The following ALCAM variants were observed in gnomAD, a reference collection of about 807,000 sequenced individuals.
The protein encoded by ALCAM is CD166 antigen.
Under a neutral mutation model 70.9 loss-of-function variants are expected in ALCAM, and 30 were observed. The ratio of observed to expected loss-of-function variants is 0.42; its 90% CI spans 0.32 to 0.57. The LOEUF is 0.57. ALCAM is among the 20% of genes least tolerant of loss of function. ALCAM has a pLI of 0.11. For synonymous variants in ALCAM, 249 were observed against 242.5 expected, an observed-to-expected ratio of 1.03 and a Z score of -0.25; for missense variants, 591 against 695.1, an observed-to-expected ratio of 0.85 and a Z score of 1.68.
chr3:105,428,773 A>G (rs1340782122), intron 1 of ALCAM, among the ~76,000 whole-genome samples: 1 of 152,018 alleles, frequency 6.6e-6, no homozygotes, highest in African/African-American at 2.4e-5. Context: ...ATTGAAAACT[A>G]TATTAAAACT....
At chr3:105,528,644 C>T (rs193217172) in intron 3 of ALCAM, among the ~76,000 whole-genome samples, 1 of 152,148 alleles carries the variant, frequency 6.6e-6, no homozygotes. Flanking sequence ...AAACCAAATA[C>T]TGCATGTTCT....
At chr3:105,410,500 A>T (rs1244290322) in intron 1 of ALCAM, among the ~76,000 whole-genome samples, 1 of 151,982 alleles carries the variant, frequency 6.6e-6, no homozygotes, top group East Asian at 1.9e-4. Flanking sequence ...ATGTGGTACT[A>T]CATAAATACT....
In ALCAM at chr3:105,525,345, T is replaced by A. The variant is rs1939672187; in HGVS notation, c.394+837T>A. The A allele has an allele frequency of 5.1e-6, 5 of 981,680 alleles. No individual in the cohort carries two copies. In the African/African-American group the frequency reaches 8.7e-5, roughly 17 times the overall value. The allele number at this position is 981,680 out of a possible 1,614,324, so 60.8% of individuals were successfully genotyped here. On this transcript the variant is annotated intron_variant, in intron 3 of 15. Coordinates refer to ENST00000306107, the MANE Select transcript of ALCAM (RefSeq NM_001627.4). Reference sequence around the variant, plus strand: ...GCAAATAACTGTGCAAATGAATGACTTGAGAAGTTATAATTAAAGTATTTC... The same window carrying A: ...GCAAATAACTGTGCAAATGAATGACATGAGAAGTTATAATTAAAGTATTTC...
chr3:105,421,037 A>G (rs1936638901), intron 1 of ALCAM, among the ~76,000 whole-genome samples: 1 of 151,524 alleles, frequency 6.6e-6, no homozygotes, highest in Non-Finnish European at 1.5e-5. Context: ...TGAGAAAATG[A>G]TCTATAGTAA....
chr3:105,519,056 T>C (rs1939462834), intron 1 of ALCAM, among the ~76,000 whole-genome samples: 1 of 152,120 alleles, frequency 6.6e-6, no homozygotes, highest in Non-Finnish European at 1.5e-5. Flanking sequence ...TGTTTTTTTC[T>C]CTACTGTTTA....
intron 14 of ALCAM, among the ~76,000 whole-genome samples, chr3:105,559,818 A>G (rs1018265550): frequency 2.6e-5 from 4 of 152,138 alleles, no homozygotes; most frequent in African/African-American, 9.7e-5. Flanking sequence ...ATTATAGAAA[A>G]GGTACTCTTT....
intron 1 of ALCAM, among the ~76,000 whole-genome samples, chr3:105,508,099 T>G (rs1939131961): frequency 6.6e-6 from 1 of 152,200 alleles, no homozygotes; most frequent in Non-Finnish European, 1.5e-5. Flanking sequence ...TGGGAGCAAG[T>G]GCCAAATTGC....
intron 1 of ALCAM, among the ~76,000 whole-genome samples, chr3:105,516,840 G>A (rs1939394185): frequency 6.6e-6 from 1 of 152,012 alleles, no homozygotes; most frequent in African/African-American, 2.4e-5. Flanking sequence ...TTTCAGGAAG[G>A]ATGTCACAGG....
At chr3:105,543,043 C>T (rs503321) in intron 8 of ALCAM, among the ~76,000 whole-genome samples, 1 of 151,512 alleles carries the variant, frequency 6.6e-6, no homozygotes, top group Non-Finnish European at 1.5e-5. Flanking sequence ...ATAGCTAGCT[C>T]TCTATTATCA....
intron 8 of ALCAM, among the ~76,000 whole-genome samples, chr3:105,544,057 C>A (rs1940184669): frequency 6.6e-6 from 1 of 151,556 alleles, no homozygotes; most frequent in Non-Finnish European, 1.5e-5. Context: ...CAACAAGTTG[C>A]AATTATGACA....
At chr3:105,420,054 T>C (rs995742803) in intron 1 of ALCAM, among the ~76,000 whole-genome samples, 1 of 151,764 alleles carries the variant, frequency 6.6e-6, no homozygotes, top group African/African-American at 2.4e-5. Context: ...CGTTTTGGAA[T>C]TTTTGCAGAA....
At chr3:105,403,147 A>C (rs866591677) in intron 1 of ALCAM, among the ~76,000 whole-genome samples, 2 of 152,062 alleles carry the variant, frequency 1.3e-5, no homozygotes, top group Admixed American at 1.3e-4. Flanking sequence ...GGGTTTCCCC[A>C]TGTTGGCCAG....
chr3:105,438,711 A>G (rs1937106458), intron 1 of ALCAM, among the ~76,000 whole-genome samples: 1 of 152,136 alleles, frequency 6.6e-6, no homozygotes. Flanking sequence ...TCATGTTGCT[A>G]CAGATATTGT....
chr3:105,515,551 AT>A, intron 1 of ALCAM, among the ~76,000 whole-genome samples: 1 of 152,136 alleles, frequency 6.6e-6, no homozygotes, highest in Admixed American at 6.6e-5. Context: ...TTGGTGGGCA[AT>A]TTTGCCTCCC....
chr3:105,496,128 A>G (rs993190960), intron 1 of ALCAM, among the ~76,000 whole-genome samples: 1 of 152,214 alleles, frequency 6.6e-6, no homozygotes, highest in Non-Finnish European at 1.5e-5. Context: ...GAAACATTGC[A>G]GAGCATAACA....
chr3:105,464,936 G>A (rs1164515255), intron 1 of ALCAM, among the ~76,000 whole-genome samples: 1 of 151,370 alleles, frequency 6.6e-6, no homozygotes, highest in African/African-American at 2.4e-5. Flanking sequence ...TCTCTTTCCA[G>A]TCAATCTCCC....
intron 1 of ALCAM, among the ~76,000 whole-genome samples, chr3:105,381,929 A>AT (rs1935532680): frequency 6.7e-6 from 1 of 149,594 alleles, no homozygotes; most frequent in African/African-American, 2.5e-5. Context: ...TTTTTTATTT[A>AT]TTTTTTCTTT....
chr3:105,427,356 G>A (rs570880056), intron 1 of ALCAM, among the ~76,000 whole-genome samples: 23 of 152,042 alleles, frequency 1.5e-4, no homozygotes, highest in Admixed American at 3.9e-4. Context: ...AGGTAGAGAA[G>A]AAGGGAAGAA....
intron 15 of ALCAM, among the ~76,000 whole-genome samples, chr3:105,573,649 T>C (rs1038085150): frequency 2.6e-5 from 4 of 152,350 alleles, no homozygotes; most frequent in African/African-American, 9.6e-5. Flanking sequence ...GTTTTTCTTT[T>C]TATTTGTGTT....
Sources: gnomAD v4.1 joint callset for allele counts (sites outside exome capture counted in the v4.1 genomes callset) on GRCh38, gnomAD v4.1.1 for gene constraint, MANE v1.5 for transcripts, NCBI Gene and HGNC (gene_info 2026-07-23, HGNC 2026-07-21) for gene names.